BMP6: variants seen among roughly 807,000 people sequenced by gnomAD.
The protein encoded by BMP6 is VG-1-R.
BMP6 carries 17 observed loss-of-function variants against 54.1 expected under a neutral mutation model. The ratio of observed to expected loss-of-function variants is 0.31; its 90% CI spans 0.22 to 0.47. The LOEUF (loss-of-function observed/expected upper bound fraction) is 0.47, where lower values mean the gene tolerates loss of function less well. Among genes scored for constraint, BMP6 ranks in the 20% least tolerant of loss-of-function variants. The pLI, the probability that BMP6 is intolerant of heterozygous loss-of-function variation, is 1.00. For synonymous variants in BMP6, 328 were observed against 291.2 expected (o/e 1.13, Z -1.28); for missense variants, 720 against 690.4 (o/e 1.04, Z -0.48).
At chr6:7,770,183 T>C (rs868322213) in intron 1 of BMP6, among the ~76,000 whole-genome samples, 38 of 152,306 alleles carry the variant, frequency 2.5e-4, no homozygotes, top group Middle Eastern at 6.8e-3. Context: ...CAGTGGAGCA[T>C]TTTAAATGAT....
At chr6:7,865,771 T>C (rs1444366494) in intron 4 of BMP6, among the ~76,000 whole-genome samples, 1 of 152,178 alleles carries the variant, frequency 6.6e-6, no homozygotes, top group Non-Finnish European at 1.5e-5. Context: ...AAGATTGCAT[T>C]GTCTCTGCTG....
intron 1 of BMP6, among the ~76,000 whole-genome samples, chr6:7,837,503 T>C (rs563596159): frequency 1.3e-4 from 20 of 152,316 alleles, no homozygotes; most frequent in African/African-American, 3.4e-4. Flanking sequence ...GCAACCTGGA[T>C]GGGGTTGGAG....
intron 1 of BMP6, among the ~76,000 whole-genome samples, chr6:7,810,496 T>C (rs1355278524): frequency 6.6e-6 from 1 of 152,160 alleles, no homozygotes; most frequent in African/African-American, 2.4e-5. Flanking sequence ...CTGCGTGCAT[T>C]AAACTCTTAC....
At chr6:7,766,952 TTTTA>T (rs909291653) in intron 1 of BMP6, among the ~76,000 whole-genome samples, 2,010 of 96,690 alleles carry the variant, frequency 0.021, 41 homozygotes, top group African/African-American at 0.056. Context: ...TATTTTTATT[TTTTA>T]TTTATTTATT....
chr6:7,763,909 T>C lies in BMP6; in HGVS notation c.664+36290T>C, dbSNP rs1020123517. Among the ~76,000 whole-genome samples the C allele has an allele frequency of 2.6e-5, 4 of 152,120 alleles. No individual in the cohort carries two copies. The East Asian group carries it at 5.8e-4, about 22-fold the overall frequency. On this transcript the variant is annotated intron_variant, in intron 1 of 6. Transcript: ENST00000283147. ...CTACAAGGACCAATATATTGTGTAG[T>C]CTAGAGGGGAAAATGCCAAAAGAAA...
At chr6:7,834,262 C>T (rs1313163473) in intron 1 of BMP6, among the ~76,000 whole-genome samples, 1 of 139,862 alleles carries the variant, frequency 7.1e-6, no homozygotes, top group Admixed American at 7.3e-5. Flanking sequence ...TAAAAACTAC[C>T]AAAAAATCAA....
At chr6:7,850,364 A>G (rs1427740921) in intron 2 of BMP6, among the ~76,000 whole-genome samples, 2 of 152,188 alleles carry the variant, frequency 1.3e-5, no homozygotes, top group Admixed American at 6.5e-5. Flanking sequence ...TACATATAAA[A>G]TTTACCATCT....
intron 1 of BMP6, among the ~76,000 whole-genome samples, chr6:7,783,462 T>G (rs144167224): frequency 2.1e-3 from 318 of 152,382 alleles, no homozygotes; most frequent in African/African-American, 7.4e-3. Flanking sequence ...TTGCCACTTA[T>G]TTTCTTTCTA....
chr6:7,797,496 A>T (rs946577474), intron 1 of BMP6, among the ~76,000 whole-genome samples: 3 of 152,248 alleles, frequency 2.0e-5, no homozygotes, highest in Non-Finnish European at 4.4e-5. Flanking sequence ...ACTGATGCTT[A>T]TAAATTATAC....
Position 7,861,461 on chromosome 6 carries a change from C to A in BMP6, c.868C>A (p.Leu290Met). 1.9e-6 allele frequency: 3 copies of A among 1,614,018 alleles called. No individual in the cohort carries two copies. The highest frequency in any genetic ancestry group is 2.5e-6 in the Non-Finnish European group (3 of 1,179,998). ...LQEHQHRDSD[L>M]FLLDTRVVWA... ...TTTTCTTTCTTTCAGAGACTCTGAC[C>A]TGTTTTTGTTGGACACCCGTGTAGT... The change falls in exon 3 of 7, where the codon CTG (leucine) becomes ATG (methionine). Residue 290 changes from leucine (L) to methionine (M), a missense_variant. Around this residue, in one of 3 missense-constraint regions of BMP6, gnomAD observed 650 missense variants for 556.3 expected, o/e 1.17. Transcript: ENST00000283147.
At chr6:7,727,878 G>A (rs1339788936) in intron 1 of BMP6, among the ~76,000 whole-genome samples, 1 of 151,434 alleles carries the variant, frequency 6.6e-6, no homozygotes, top group African/African-American at 2.4e-5. Context: ...GGCTCCGGGA[G>A]CGCTGTCCCC....
intron 4 of BMP6, among the ~76,000 whole-genome samples, chr6:7,870,938 T>G (rs751067613): frequency 8.5e-5 from 13 of 152,164 alleles, no homozygotes; most frequent in Non-Finnish European, 1.8e-4. Flanking sequence ...CTGTCTTGGA[T>G]CTTTAGAGTT....
chr6:7,737,049 G>A (rs940127824), intron 1 of BMP6, among the ~76,000 whole-genome samples: 14 of 152,076 alleles, frequency 9.2e-5, no homozygotes, highest in Admixed American at 5.9e-4. Flanking sequence ...CTAGCCAGGC[G>A]TGGGAGCACA....
At chr6:7,847,099 C>T (rs1759077350) in intron 2 of BMP6, among the ~76,000 whole-genome samples, 1 of 152,170 alleles carries the variant, frequency 6.6e-6, no homozygotes, top group South Asian at 2.1e-4. Context: ...AAAAGAACAG[C>T]TGCCCTGTGC....
chr6:7,765,057 T>C lies in BMP6; in HGVS notation c.664+37438T>C, dbSNP rs1174290786. Among the ~76,000 whole-genome samples, 4 of 152,384 alleles carry C rather than the reference T, an allele frequency of 2.6e-5. No homozygotes were observed. In the East Asian group the frequency reaches 7.7e-4, roughly 29 times the overall value. ...GTCGAAAGTTTGAACTTTGGCTTTT[T>C]GCAGTTGTATTCCTCCCTGCTCCCA... On this transcript the variant is annotated intron_variant, in intron 1 of 6. Coordinates refer to ENST00000283147, the MANE Select transcript of BMP6 (RefSeq NM_001718.6).
chr6:7,763,525 AAG>A (rs1757643844), intron 1 of BMP6, among the ~76,000 whole-genome samples: 1 of 152,238 alleles, frequency 6.6e-6, no homozygotes, highest in South Asian at 2.1e-4. Context: ...ATTAAAAAGA[AAG>A]AGGCTGGCGG....
chr6:7,868,177 T>C (rs1759455738), intron 4 of BMP6, among the ~76,000 whole-genome samples: 1 of 152,186 alleles, frequency 6.6e-6, no homozygotes, highest in South Asian at 2.1e-4. Flanking sequence ...GAGACCAAAG[T>C]CCCACCCAGA....
chr6:7,761,079 G>A (rs1201447190), intron 1 of BMP6, among the ~76,000 whole-genome samples: 1 of 152,222 alleles, frequency 6.6e-6, no homozygotes, highest in African/African-American at 2.4e-5. Context: ...TCGTTACAAT[G>A]CGATACAATA....
chr6:7,862,440 A>G lies in BMP6; in HGVS notation c.1146A>G (p.Gln382=). The G allele has an allele frequency of 1.2e-6, 2 of 1,614,218 alleles. No homozygotes were observed. Among genetic ancestry groups the G allele is most frequent in the Non-Finnish European group, 1.7e-6 (2 of 1,180,046 alleles). Residue 382 remains glutamine (Q), a synonymous_variant, in exon 4 of 7, where the codon CAA becomes CAG. Transcript: ENST00000283147. ...GGTCAGCCTCCAGCCGGCGCCGACA[A>G]CAGAGTCGTAATCGCTCTACCCAGT... ...TTRSASSRRR[Q]QSRNRSTQSQ... is the part of the protein sequence containing the mutation.
Sources: allele counts gnomAD v4.1 joint callset (sites outside exome capture counted in the v4.1 genomes callset), GRCh38; gene constraint gnomAD v4.1.1; regional missense constraint gnomAD v4.1.1; transcripts MANE v1.5; gene names NCBI Gene and HGNC (gene_info 2026-07-23, HGNC 2026-07-21).